Variants in CTNNA3 observed in about 807,000 individuals in gnomAD.
CTNNA3 encodes catenin alpha-3.
In CTNNA3, 76 loss-of-function variants were observed where a neutral mutation model predicts 95.7. The ratio of observed to expected loss-of-function variants is 0.79; its 90% CI spans 0.66 to 0.96. The LOEUF is 0.96. CTNNA3 is among the 40% of genes least tolerant of loss of function. The pLI, the probability that CTNNA3 is intolerant of heterozygous loss-of-function variation, is 0.00. For missense variants in CTNNA3, 1,191 were observed against 1,089.8 expected (o/e 1.09, Z -1.31); for synonymous variants, 431 against 374.4 (o/e 1.15, Z -1.74).
intron 17 of CTNNA3, among the ~76,000 whole-genome samples, chr10:65,921,355 T>C (rs1477728987): frequency 6.6e-6 from 1 of 152,234 alleles, no homozygotes; most frequent in African/African-American, 2.4e-5. Flanking sequence ...ACTATGTCAA[T>C]TTGGAATGTC....
At chr10:67,052,339 TC>T (rs771313252) in intron 7 of CTNNA3, among the ~76,000 whole-genome samples, 8,230 of 151,640 alleles carry the variant, frequency 0.054, 328 homozygotes, top group South Asian at 0.19. Context: ...TCTCTCTCTC[TC>T]TCTCTCTCTC....
intron 4 of CTNNA3, among the ~76,000 whole-genome samples, chr10:67,530,919 G>T (rs1840305296): frequency 6.6e-6 from 1 of 152,200 alleles, no homozygotes; most frequent in South Asian, 2.1e-4. Flanking sequence ...GCTGAAAGGG[G>T]CCAATGTCGA....
At chr10:66,715,903 T>C (rs918320714) in intron 9 of CTNNA3, among the ~76,000 whole-genome samples, 1 of 151,784 alleles carries the variant, frequency 6.6e-6, no homozygotes, top group East Asian at 2.0e-4. Flanking sequence ...AAATTAAATA[T>C]AAAAACAAAA....
chr10:66,199,795 ATATATATAT>A (rs1203123428), intron 13 of CTNNA3, among the ~76,000 whole-genome samples: 195 of 15,760 alleles, frequency 0.012, 3 homozygotes, highest in African/African-American at 0.033. Context: ...ATATATATAT[ATATATATAT>A]ATTTTTTTTT....
intron 5 of CTNNA3, among the ~76,000 whole-genome samples, chr10:67,404,882 G>A (rs1845076659): frequency 6.6e-6 from 1 of 152,170 alleles, no homozygotes; most frequent in Admixed American, 6.5e-5. Flanking sequence ...AACCATGCAA[G>A]CCAGAAGAGA....
chr10:66,605,749 A>C (rs1844097966), intron 10 of CTNNA3, among the ~76,000 whole-genome samples: 1 of 152,156 alleles, frequency 6.6e-6, no homozygotes. Flanking sequence ...TTTTCACACA[A>C]GCAAATACTG....
At chr10:67,105,598 G>A (rs1218008581) in intron 7 of CTNNA3, among the ~76,000 whole-genome samples, 1 of 152,072 alleles carries the variant, frequency 6.6e-6, no homozygotes, top group Non-Finnish European at 1.5e-5. Context: ...GCCCTAAACA[G>A]TCTGATGAAA....
intron 13 of CTNNA3, among the ~76,000 whole-genome samples, chr10:66,182,201 G>C (rs2086074832): frequency 6.6e-6 from 1 of 151,418 alleles, no homozygotes; most frequent in African/African-American, 2.4e-5. Flanking sequence ...TCAAAGTCAT[G>C]AATGATCTCC....
intron 7 of CTNNA3, among the ~76,000 whole-genome samples, chr10:66,936,839 C>T (rs1847729464): frequency 6.6e-6 from 1 of 152,078 alleles, no homozygotes; most frequent in Non-Finnish European, 1.5e-5. Flanking sequence ...GATTACTGTC[C>T]CTTCCAAGGG....
intron 9 of CTNNA3, among the ~76,000 whole-genome samples, chr10:66,671,815 T>C (rs1307355034): frequency 6.6e-6 from 1 of 152,166 alleles, no homozygotes; most frequent in African/African-American, 2.4e-5. Flanking sequence ...TCAGCTTCCT[T>C]CTGTAAAACG....
chr10:66,221,542 T>C lies in CTNNA3; in HGVS notation c.1884+58928A>G, dbSNP rs760574826. Among the ~76,000 whole-genome samples the C allele has an allele frequency of 3.9e-5, 6 of 152,382 alleles. No homozygotes were observed. The South Asian group carries it at 1.2e-3, about 32-fold the overall frequency. On this transcript the variant is annotated intron_variant, in intron 13 of 17. Coordinates refer to ENST00000433211, the MANE Select transcript of CTNNA3 (RefSeq NM_013266.4). ...CTCTGTCCCTTCAACAGCAGTGAGC[T>C]GGCCTCAATTCCATCTCTGATTTTA... is the stretch of plus-strand genomic sequence containing the variant.
At chr10:67,458,653 C>A (rs1847260761) in intron 5 of CTNNA3, among the ~76,000 whole-genome samples, 1 of 152,020 alleles carries the variant, frequency 6.6e-6, no homozygotes, top group African/African-American at 2.4e-5. Context: ...CCGAAGTGGT[C>A]AGATCACTTA....
chr10:66,728,931 G>GT lies in CTNNA3; in HGVS notation c.1281+37332dup, dbSNP rs540155604. Among the ~76,000 whole-genome samples, 87 of 152,238 alleles carry GT rather than the reference G, an allele frequency of 5.7e-4. 2 individuals carry two copies. Among genetic ancestry groups the GT allele is most frequent in the African/African-American group, 2.0e-3 (85 of 41,536 alleles). On this transcript the variant is annotated intron_variant, in intron 9 of 17. Transcript: ENST00000433211. ...GATCTTGAGTTAATTTTTGTATATG[G>GT]TATAAGGAAGGTGTCCAGCTTCAAT...
At chr10:66,780,656 GTCTT>G (rs1176972031) in intron 7 of CTNNA3, among the ~76,000 whole-genome samples, 3 of 152,128 alleles carry the variant, frequency 2.0e-5, no homozygotes, top group Non-Finnish European at 4.4e-5. Flanking sequence ...ACCTGAATGT[GTCTT>G]TCTCACTAGA....
At chr10:66,914,151 G>C (rs1265179411) in intron 7 of CTNNA3, among the ~76,000 whole-genome samples, 1 of 97,984 alleles carries the variant, frequency 1.0e-5, no homozygotes, top group Non-Finnish European at 2.1e-5. Context: ...TTTTTTTTGA[G>C]ACAGAGTCTC....
chr10:65,936,173 G>A (rs937358173), intron 17 of CTNNA3, among the ~76,000 whole-genome samples: 42 of 152,172 alleles, frequency 2.8e-4, no homozygotes, highest in African/African-American at 9.9e-4. Flanking sequence ...GACAGACTGC[G>A]CAAGTTCTTC....
At chr10:67,532,972 C>T (rs1840379503) in intron 4 of CTNNA3, among the ~76,000 whole-genome samples, 1 of 152,140 alleles carries the variant, frequency 6.6e-6, no homozygotes. Context: ...GATGTCCTGA[C>T]CCAGTAAGCA....
At chr10:65,973,082 A>G (rs929678081) in intron 16 of CTNNA3, among the ~76,000 whole-genome samples, 1 of 152,168 alleles carries the variant, frequency 6.6e-6, no homozygotes, top group African/African-American at 2.4e-5. Flanking sequence ...GATCTTTGAC[A>G]AAGTTGACAA....
At chr10:67,589,092 A>G (rs1842720807) in intron 3 of CTNNA3, among the ~76,000 whole-genome samples, 1 of 152,084 alleles carries the variant, frequency 6.6e-6, no homozygotes, top group African/African-American at 2.4e-5. Flanking sequence ...GCTCTGGGGA[A>G]AGACAGATAG....
Sources: gnomAD v4.1 joint callset for allele counts (sites outside exome capture counted in the v4.1 genomes callset) on GRCh38, gnomAD v4.1.1 for gene constraint, MANE v1.5 for transcripts, NCBI Gene and HGNC (gene_info 2026-07-23, HGNC 2026-07-21) for gene names.